Variants in VPS9D1 observed in about 807,000 individuals in gnomAD.
The protein encoded by VPS9D1 is VPS9 domain-containing protein 1.
VPS9D1 carries 78 observed loss-of-function variants against 75.8 expected under a neutral mutation model. That is an observed-to-expected ratio of 1.03 (90% CI 0.86 to 1.24). VPS9D1 has a LOEUF of 1.24. VPS9D1 is among the 50% of genes most tolerant of loss of function. The pLI is 0.00. For missense variants in VPS9D1, 1,057 were observed against 847.7 expected, an observed-to-expected ratio of 1.25 and a Z score of -3.07; for synonymous variants, 481 against 385.6, an observed-to-expected ratio of 1.25 and a Z score of -2.90.
intron 1 of VPS9D1, 184 bp from the exon 2 acceptor site, chr16:89,719,286 ACAGGCAG>A: frequency 3.0e-6 from 2 of 664,368 alleles, no homozygotes; most frequent in Admixed American, 2.1e-5. Context: ...TGCGCAGGGC[ACAGGCAG>A]CATCGCTGCT....
intron 2 of VPS9D1, chr16:89,717,763 C>A (rs555047906): frequency 4.4e-6 from 2 of 456,598 alleles, no homozygotes; most frequent in Non-Finnish European, 8.8e-6. Flanking sequence ...ACTCCTCAAT[C>A]TTGGAGCGCC....
At chr16:89,719,324 T>A (rs1162967127) in intron 1 of VPS9D1, 1 of 626,546 alleles carries the variant, frequency 1.6e-6, no homozygotes, top group East Asian at 3.2e-5. Flanking sequence ...GGAAAAGACA[T>A]CAGGACCTGA....
intron 1 of VPS9D1, 37 bp from the exon 2 acceptor site, chr16:89,719,139 G>C (rs368801480): frequency 4.2e-5 from 67 of 1,588,438 alleles, no homozygotes; most frequent in Non-Finnish European, 5.6e-5. Flanking sequence ...GGTCAGGCCA[G>C]TGGAGGGAAG....
At position 89,715,225 on chromosome 16, in the gene VPS9D1, A is replaced by AT. The variant is rs56372825; in HGVS notation, c.431+1236dup. Among the ~76,000 whole-genome samples the AT allele has an allele frequency of 7.7e-3, 879 of 113,644 alleles. 10 individuals are homozygous for AT. The highest frequency in any genetic ancestry group is 0.026 in the African/African-American group (824 of 31,404). The allele number at this position is 113,644 out of a possible 152,430, so 74.6% of individuals were successfully genotyped here. ...ATAACTCATCCTTGTTCCCAGCTAAATTTTTTTTTTTTTTTTTTTGAGATG... is the reference window on the plus strand; with the variant it reads ...ATAACTCATCCTTGTTCCCAGCTAAATTTTTTTTTTTTTTTTTTTTGAGATG... On this transcript the variant is annotated intron_variant, in intron 4 of 14. Coordinates refer to ENST00000389386, the MANE Select transcript of VPS9D1 (RefSeq NM_004913.3).
chr16:89,718,157 G>A (rs563618045), intron 2 of VPS9D1: 13 of 427,906 alleles, frequency 3.0e-5, no homozygotes, highest in Admixed American at 2.2e-4. Flanking sequence ...TGTTCATTGC[G>A]GAACTTGCTA....
At chr16:89,713,629 T>C (rs1339750605) in intron 4 of VPS9D1, among the ~76,000 whole-genome samples, 2 of 152,172 alleles carry the variant, frequency 1.3e-5, no homozygotes, top group Admixed American at 6.5e-5. Context: ...GGCAACAGTA[T>C]GAATCTTGTT....
At chr16:89,711,070 G>A (rs2060906023) in intron 9 of VPS9D1, 60 bp from the exon 10 acceptor site, 1 of 1,409,600 alleles carries the variant, frequency 7.1e-7, no homozygotes, top group East Asian at 2.5e-5. Context: ...GCATCCACAG[G>A]TGCCGCGCTA....
intron 4 of VPS9D1, among the ~76,000 whole-genome samples, chr16:89,713,937 T>C (rs966388611): frequency 1.3e-5 from 2 of 152,032 alleles, no homozygotes; most frequent in Non-Finnish European, 1.5e-5. Context: ...CTGAGGTTTT[T>C]TTGCAAAATT....
chr16:89,716,923 C>T, intron 2 of VPS9D1, 101 bp from the exon 3 acceptor site: 1 of 1,092,338 alleles, frequency 9.2e-7, no homozygotes, highest in Non-Finnish European at 1.3e-6. Context: ...GCCCACTGCC[C>T]CCCTCAGCAC....
intron 1 of VPS9D1, chr16:89,719,304 C>G: frequency 1.6e-6 from 1 of 644,524 alleles, no homozygotes; most frequent in Non-Finnish European, 2.9e-6. Context: ...CATCGCTGCT[C>G]TCCAGACTTG....
rs749889908 is a variant in VPS9D1 at position 89,709,181 on chromosome 16, C to T, written c.1597+46G>A. On this transcript the variant is annotated intron_variant, in intron 12 of 14. Coordinates refer to ENST00000389386, the MANE Select transcript of VPS9D1 (RefSeq NM_004913.3). ...GAAGACACAGGCTCCAGGTCACCTA[C>T]TGGGATGGGAGCCTGTCCCTCCCCC... is the stretch of plus-strand genomic sequence containing the variant. 4 of 1,607,570 alleles carry T rather than the reference C, an allele frequency of 2.5e-6. No homozygotes were observed. In the Admixed American group the frequency reaches 5.0e-5, roughly 20 times the overall value.
At chr16:89,720,138 G>GC (rs1459801526) in intron 1 of VPS9D1, among the ~76,000 whole-genome samples, 7 of 152,204 alleles carry the variant, frequency 4.6e-5, no homozygotes, top group African/African-American at 9.6e-5. Context: ...GGCACCTGCT[G>GC]CCCTAAAAAC....
intron 2 of VPS9D1, 37 bp from the exon 3 acceptor site, chr16:89,716,859 C>G: frequency 6.5e-7 from 1 of 1,542,396 alleles, no homozygotes; most frequent in South Asian, 1.2e-5. Context: ...ACAGTCGGCT[C>G]TACCACTGTT....
intron 8 of VPS9D1, 61 bp downstream of exon 8, chr16:89,711,821 C>T: frequency 6.6e-7 from 1 of 1,526,394 alleles, no homozygotes; most frequent in Non-Finnish European, 8.8e-7. Flanking sequence ...ACCCAGGCGG[C>T]TCTGACCCCG....
intron 4 of VPS9D1, among the ~76,000 whole-genome samples, chr16:89,713,733 G>T (rs1348668474): frequency 6.6e-6 from 1 of 151,524 alleles, no homozygotes; most frequent in Non-Finnish European, 1.5e-5. Flanking sequence ...TGAGGGCTGG[G>T]CACGGTGGCT....
Position 89,708,410 on chromosome 16 carries a change from G to T in VPS9D1, c.1802+17C>A. On this transcript the variant is annotated intron_variant, in intron 14 of 14. Coordinates refer to ENST00000389386, the MANE Select transcript of VPS9D1 (RefSeq NM_004913.3). ...CTCTTCGCACAGAGACCCCCACCCTGACCCGCCAGGGTCTACCCCTCGTGG... is the reference window on the plus strand; with the variant it reads ...CTCTTCGCACAGAGACCCCCACCCTTACCCGCCAGGGTCTACCCCTCGTGG... The T allele has an allele frequency of 6.2e-7, 1 of 1,603,798 alleles. No homozygotes were observed.
Position 89,712,040 on chromosome 16 carries a change from G to A in VPS9D1, c.659+7C>T. ...GCAGCGGCCCCAGGGGCGGGCAGGA[G>A]TCCCACCTGTTGGCGGCCTCCTGGA... On this transcript the variant is annotated splice_region_variant and intron_variant, in intron 7 of 14. Coordinates refer to ENST00000389386, the MANE Select transcript of VPS9D1 (RefSeq NM_004913.3). 1 of 1,549,184 alleles carries A rather than the reference G, an allele frequency of 6.5e-7. No homozygotes were observed. Among genetic ancestry groups the A allele is most frequent in the Non-Finnish European group, 8.7e-7 (1 of 1,146,736 alleles).
Position 89,707,693 on chromosome 16 carries a change from A to G in VPS9D1, c.*168T>C. 2 of 610,948 alleles carry G rather than the reference A, an allele frequency of 3.3e-6. No individual in the cohort carries two copies. Among genetic ancestry groups the G allele is most frequent in the Non-Finnish European group, 5.8e-6 (2 of 345,892 alleles). 37.8% of individuals were successfully genotyped at this position (610,948 alleles called of 1,614,324 possible). On this transcript the variant is annotated 3_prime_UTR_variant, in exon 15 of 15. Coordinates refer to ENST00000389386, the MANE Select transcript of VPS9D1 (RefSeq NM_004913.3). ...AAGCTCCAGGGTCAGATGTGAGGTG[A>G]GGAAGGTGAAGAGCTGGAGAGCACA...
chr16:89,710,021 C>T (rs1441819426), intron 10 of VPS9D1, 115 bp from the exon 11 acceptor site: 1 of 1,422,476 alleles, frequency 7.0e-7, no homozygotes, highest in South Asian at 1.4e-5. Flanking sequence ...GCCTTCAAGC[C>T]TCCTGCACCC....
Sources: allele counts gnomAD v4.1 joint callset (sites outside exome capture counted in the v4.1 genomes callset), GRCh38; gene constraint gnomAD v4.1.1; transcripts MANE v1.5; gene names NCBI Gene and HGNC (gene_info 2026-07-23, HGNC 2026-07-21).